L3MBTL4: variants seen among roughly 807,000 people sequenced by gnomAD.
L3MBTL4 encodes the protein lethal(3)malignant brain tumor-like protein 4.
L3MBTL4 carries 70 observed loss-of-function variants against 84.5 expected under a neutral mutation model. The ratio of observed to expected loss-of-function variants is 0.83; its 90% CI spans 0.68 to 1.01. The LOEUF (loss-of-function observed/expected upper bound fraction) is 1.01. L3MBTL4 is among the 50% of genes least tolerant of loss of function. The pLI is 0.00. For synonymous variants in L3MBTL4, 274 were observed against 259.8 expected, an observed-to-expected ratio of 1.05 and a Z score of -0.52; for missense variants, 715 against 754.8, an observed-to-expected ratio of 0.95 and a Z score of 0.62.
chr18:5,966,031 GAGAACTAA>G (rs770440834), intron 17 of L3MBTL4, among the ~76,000 whole-genome samples: 14 of 152,098 alleles, frequency 9.2e-5, no homozygotes, highest in Non-Finnish European at 1.5e-4. Flanking sequence ...ACCCACAACA[GAGAACTAA>G]AGACCGGGGC....
At chr18:6,195,666 A>G (rs569015178) in intron 12 of L3MBTL4, among the ~76,000 whole-genome samples, 1 of 152,344 alleles carries the variant, frequency 6.6e-6, no homozygotes, top group Admixed American at 6.5e-5. Context: ...CAAAAACATT[A>G]TTTTAAGGAT....
chr18:6,282,663 C>T lies in L3MBTL4; in HGVS notation c.128-18625G>A, dbSNP rs184892415. Among the ~76,000 whole-genome samples, 447 of 152,200 alleles carry T rather than the reference C, an allele frequency of 2.9e-3. 2 individuals are homozygous for T. Among genetic ancestry groups the T allele is most frequent in the Non-Finnish European group, 4.4e-3 (299 of 68,006 alleles). ...ATCCTATCCTACAGGCAATGGGAAG[C>T]ACTGGAAAGGTTTTAAGCAAAGGAA... is the stretch of plus-strand genomic sequence containing the variant. On this transcript the variant is annotated intron_variant, in intron 4 of 18. Coordinates refer to ENST00000317931, the MANE Select transcript of L3MBTL4 (RefSeq NM_001330559.2).
chr18:6,391,752 A>T lies in L3MBTL4; in HGVS notation c.-91+23049T>A, dbSNP rs868116127. Among the ~76,000 whole-genome samples the T allele has an allele frequency of 5.3e-5, 8 of 150,114 alleles. No individual in the cohort carries two copies. The South Asian group carries it at 8.4e-4, about 16-fold the overall frequency. Reference sequence around the variant, plus strand: ...TACAACATCTGCAAACAACAACAACAACTACTACTACTACTACTACTACTA... The same window carrying T: ...TACAACATCTGCAAACAACAACAACTACTACTACTACTACTACTACTACTA... On this transcript the variant is annotated intron_variant, in intron 1 of 18. Transcript: ENST00000317931.
At chr18:6,223,911 T>G (rs1407000578) in intron 10 of L3MBTL4, among the ~76,000 whole-genome samples, 3 of 152,166 alleles carry the variant, frequency 2.0e-5, no homozygotes, top group Non-Finnish European at 4.4e-5. Context: ...AAACAAAATC[T>G]TAAATGTGCT....
At chr18:6,131,078 T>C (rs1218870108) in intron 14 of L3MBTL4, among the ~76,000 whole-genome samples, 1 of 152,220 alleles carries the variant, frequency 6.6e-6, no homozygotes, top group African/African-American at 2.4e-5. Context: ...TATTTTGATG[T>C]CATCGTTCTC....
intron 14 of L3MBTL4, among the ~76,000 whole-genome samples, chr18:6,099,683 C>T (rs1251420148): frequency 7.0e-6 from 1 of 143,692 alleles, no homozygotes; most frequent in African/African-American, 2.5e-5. Context: ...ATCAGTTCAC[C>T]TAAGATATTT....
chr18:6,268,030 T>C (rs1288550778), intron 4 of L3MBTL4, among the ~76,000 whole-genome samples: 2 of 152,170 alleles, frequency 1.3e-5, no homozygotes, highest in Non-Finnish European at 2.9e-5. Flanking sequence ...AAGTAGAATA[T>C]AAGCTTCTAA....
chr18:6,125,225 TC>T (rs955243450), intron 14 of L3MBTL4, among the ~76,000 whole-genome samples: 11 of 151,952 alleles, frequency 7.2e-5, no homozygotes, highest in African/African-American at 2.7e-4. Context: ...GAAGGTCCCC[TC>T]CTTTGTCCTA....
intron 13 of L3MBTL4, among the ~76,000 whole-genome samples, chr18:6,165,536 T>TA (rs201121265): frequency 0.072 from 10,966 of 152,054 alleles, 1,336 homozygotes; most frequent in African/African-American, 0.25. Flanking sequence ...TCAACATTCT[T>TA]AAAAAAAGAA....
chr18:6,031,951 T>G, intron 16 of L3MBTL4: 1 of 560,112 alleles, frequency 1.8e-6, no homozygotes, highest in Non-Finnish European at 2.3e-6. Context: ...TAAAAGGAAT[T>G]TCTCCACCCT....
At chr18:6,128,575 G>A (rs151305671) in intron 14 of L3MBTL4, among the ~76,000 whole-genome samples, 73 of 152,140 alleles carry the variant, frequency 4.8e-4, no homozygotes, top group African/African-American at 1.7e-3. Context: ...ACAACAAAAC[G>A]GTAAACATAA....
intron 5 of L3MBTL4, chr18:6,256,785 A>G (rs960154474): frequency 1.3e-5 from 2 of 152,220 alleles, no homozygotes; most frequent in South Asian, 2.1e-4. Flanking sequence ...CTGGGCACCC[A>G]CTCTTAAGTG....
chr18:6,318,488 CA>C (rs2051224206), intron 1 of L3MBTL4, among the ~76,000 whole-genome samples: 1 of 4,748 alleles, frequency 2.1e-4, no homozygotes, highest in South Asian at 5.7e-3. Context: ...TTTCAAACAA[CA>C]ATAGTAAAAA....
intron 14 of L3MBTL4, among the ~76,000 whole-genome samples, chr18:6,116,174 G>T (rs978149363): frequency 6.6e-6 from 1 of 152,094 alleles, no homozygotes; most frequent in African/African-American, 2.4e-5. Flanking sequence ...ACATAAAGGG[G>T]TTTTAAAAGG....
At chr18:6,305,957 T>C (rs1431551386) in intron 3 of L3MBTL4, among the ~76,000 whole-genome samples, 3 of 152,216 alleles carry the variant, frequency 2.0e-5, no homozygotes, top group Admixed American at 1.3e-4. Flanking sequence ...TGCCAGATAA[T>C]ACCCCTTTGC....
At chr18:6,037,665 C>T (rs559093686) in intron 16 of L3MBTL4, among the ~76,000 whole-genome samples, 2 of 152,244 alleles carry the variant, frequency 1.3e-5, no homozygotes, top group Non-Finnish European at 2.9e-5. Flanking sequence ...GTGAAGTATT[C>T]TGCTTGCAGT....
chr18:6,182,709 T>C (rs1295729587), intron 12 of L3MBTL4, among the ~76,000 whole-genome samples: 1 of 152,220 alleles, frequency 6.6e-6, no homozygotes, highest in African/African-American at 2.4e-5. Flanking sequence ...CTTGAGTTTA[T>C]TTTTGTACAT....
chr18:6,269,976 T>A (rs2146454117), intron 4 of L3MBTL4, among the ~76,000 whole-genome samples: 1 of 152,332 alleles, frequency 6.6e-6, no homozygotes, highest in East Asian at 1.9e-4. Flanking sequence ...AGTGGCCCTT[T>A]CCCAATTCCA....
chr18:6,141,635 C>T (rs1161610075), intron 13 of L3MBTL4, among the ~76,000 whole-genome samples: 1 of 152,122 alleles, frequency 6.6e-6, no homozygotes, highest in Non-Finnish European at 1.5e-5. Context: ...TCATTTCATG[C>T]CACCCTATCA....
Sources: allele counts gnomAD v4.1 joint callset (sites outside exome capture counted in the v4.1 genomes callset), GRCh38; gene constraint gnomAD v4.1.1; transcripts MANE v1.5; gene names NCBI Gene and HGNC (gene_info 2026-07-23, HGNC 2026-07-21).